The following SORCS1 variants were observed in gnomAD, a reference collection of about 807,000 sequenced individuals.
SORCS1 encodes the protein VPS10 domain-containing receptor SorCS1.
A neutral mutation model predicts 146.1 loss-of-function variants in SORCS1; 60 were observed. That is an observed-to-expected ratio of 0.41 (90% CI 0.33 to 0.51). The LOEUF is 0.51. Ranked by LOEUF, SORCS1 falls within the 20% of genes least tolerant of loss-of-function variation. The pLI is 0.21. For synonymous variants in SORCS1, 637 were observed against 584.0 expected, an observed-to-expected ratio of 1.09 and a Z score of -1.31; for missense variants, 1,352 against 1,487.6, an observed-to-expected ratio of 0.91 and a Z score of 1.50.
chr10:107,070,559 G>C (rs1049137384), intron 1 of SORCS1, among the ~76,000 whole-genome samples: 2 of 152,080 alleles, frequency 1.3e-5, no homozygotes, highest in African/African-American at 4.8e-5. Context: ...CTATGATTTG[G>C]TGGCTACAAA....
intron 6 of SORCS1, among the ~76,000 whole-genome samples, chr10:106,724,285 G>T (rs912995761): frequency 6.6e-6 from 1 of 152,096 alleles, no homozygotes; most frequent in Non-Finnish European, 1.5e-5. Context: ...GAGGCGGGCG[G>T]ATCTCAAGGT....
chr10:106,752,883 A>T (rs909592207), intron 5 of SORCS1, among the ~76,000 whole-genome samples: 5 of 152,284 alleles, frequency 3.3e-5, no homozygotes, highest in Admixed American at 2.0e-4. Flanking sequence ...ATGACCCAAG[A>T]GTATTCACAC....
chr10:107,070,538 T>C (rs1962327026), intron 1 of SORCS1, among the ~76,000 whole-genome samples: 1 of 152,222 alleles, frequency 6.6e-6, no homozygotes, highest in Non-Finnish European at 1.5e-5. Context: ...CATCTTTCCC[T>C]AGGCCTCCTA....
chr10:106,694,390 G>C (rs1853538614), intron 9 of SORCS1, among the ~76,000 whole-genome samples: 1 of 152,116 alleles, frequency 6.6e-6, no homozygotes, highest in Non-Finnish European at 1.5e-5. Context: ...CTCCCAAGTA[G>C]CTGGGACTTC....
rs76014257 is a variant in SORCS1 at position 107,060,679 on chromosome 10, C to T, written c.558+103290G>A. On this transcript the variant is annotated intron_variant, in intron 1 of 25. Coordinates refer to ENST00000263054, the MANE Select transcript of SORCS1 (RefSeq NM_052918.5). This position sits in a 1 kb window ranked among gnomAD's most constrained non-coding sequence, Gnocchi z 4.1. ...TTTGTGACCATGAGTCCCCGGCTCA[C>T]GGTTTTCTCCTCTCTTGACACTTGC... Among the ~76,000 whole-genome samples the T allele has an allele frequency of 6.6e-6, 1 of 152,138 alleles. No individual in the cohort carries two copies. Among genetic ancestry groups the T allele is most frequent in the African/African-American group, 2.4e-5 (1 of 41,434 alleles).
rs58654489 is a variant in SORCS1, at chr10:106,862,780, CAAAAAAAAAAAAAA to C, written c.627-33121_627-33108del. Among the ~76,000 whole-genome samples, 169 of 60,252 alleles carry C rather than the reference CAAAAAAAAAAAAAA, an allele frequency of 2.8e-3. 2 individuals are homozygous for C. Among genetic ancestry groups the C allele is most frequent in the Admixed American group, 9.1e-3 (39 of 4,308 alleles). The allele number at this position is 60,252 out of a possible 152,430, so 39.5% of individuals were successfully genotyped here. On this transcript the variant is annotated intron_variant, in intron 2 of 25. Coordinates refer to ENST00000263054, the MANE Select transcript of SORCS1 (RefSeq NM_052918.5). ...CTAACACGGTGAAACCCTGTCTCTA[CAAAAAAAAAAAAAA>C]AAAAAAAAAAAAAAGTTTCAGCATT...
At chr10:106,628,647 T>C (rs142780115) in intron 19 of SORCS1, among the ~76,000 whole-genome samples, 1 of 152,334 alleles carries the variant, frequency 6.6e-6, no homozygotes, top group East Asian at 1.9e-4. Context: ...TTAACACTGT[T>C]TTTATACTCT....
chr10:106,934,344 G>A (rs1050367934), intron 2 of SORCS1, among the ~76,000 whole-genome samples: 2 of 151,938 alleles, frequency 1.3e-5, no homozygotes, highest in Middle Eastern at 3.2e-3. Context: ...TGCGAGCTCG[G>A]TCTCCGGGGT....
At chr10:106,916,043 C>A (rs990169997) in intron 2 of SORCS1, among the ~76,000 whole-genome samples, 1 of 152,228 alleles carries the variant, frequency 6.6e-6, no homozygotes, top group African/African-American at 2.4e-5. Context: ...AATGTCTACA[C>A]ACCTCTTGCT....
intron 2 of SORCS1, among the ~76,000 whole-genome samples, chr10:106,912,666 CTTTT>C (rs897441806): frequency 3.3e-5 from 5 of 152,060 alleles, no homozygotes; most frequent in Non-Finnish European, 5.9e-5. Context: ...GCCTGCATTG[CTTTT>C]TTTGTTTGTT....
chr10:106,985,727 G>A (rs59432296), intron 1 of SORCS1, among the ~76,000 whole-genome samples: 7,399 of 151,886 alleles, frequency 0.049, 597 homozygotes, highest in African/African-American at 0.17. Flanking sequence ...AGTAGAGACG[G>A]GGTTTCACCA....
intron 1 of SORCS1, among the ~76,000 whole-genome samples, chr10:106,981,166 C>T (rs769661260): frequency 9.2e-5 from 14 of 152,112 alleles, no homozygotes; most frequent in Non-Finnish European, 1.2e-4. Context: ...TTAACACTTA[C>T]CCCTCCCTCC....
At chr10:106,609,947 G>A (rs866817085) in intron 22 of SORCS1, among the ~76,000 whole-genome samples, 2 of 152,138 alleles carry the variant, frequency 1.3e-5, no homozygotes, top group African/African-American at 2.4e-5. Flanking sequence ...GAGAAGAGAT[G>A]GACAGTGGGT....
At chr10:106,729,675 C>G (rs139669168) in intron 6 of SORCS1, among the ~76,000 whole-genome samples, 2 of 152,062 alleles carry the variant, frequency 1.3e-5, no homozygotes, top group Non-Finnish European at 2.9e-5. Flanking sequence ...TCACCACTAT[C>G]AAAATATGCA....
chr10:106,583,338 T>C (rs183200718), intron 24 of SORCS1, among the ~76,000 whole-genome samples: 1 of 152,322 alleles, frequency 6.6e-6, no homozygotes, highest in African/African-American at 2.4e-5. Context: ...TGCACATCAG[T>C]ATATTAAATG....
intron 2 of SORCS1, among the ~76,000 whole-genome samples, chr10:106,953,859 G>C (rs918388404): frequency 8.5e-5 from 13 of 152,304 alleles, no homozygotes; most frequent in African/African-American, 3.1e-4. Context: ...GCATTACGCA[G>C]TGCATGACAG....
upstream of SORCS1, among the ~76,000 whole-genome samples, chr10:107,165,991 G>A (rs963975825): frequency 3.3e-5 from 5 of 152,094 alleles, no homozygotes; most frequent in East Asian, 1.9e-4. The surrounding 1 kb of genome is among the most constrained non-coding windows in gnomAD (Gnocchi z 4.0). Flanking sequence ...CTTTGAAAAC[G>A]GCAAAGGATT....
At chr10:106,700,530 C>T (rs879550620) in intron 8 of SORCS1, among the ~76,000 whole-genome samples, 2 of 152,156 alleles carry the variant, frequency 1.3e-5, no homozygotes, top group Non-Finnish European at 2.9e-5. Context: ...TCACTTAGTG[C>T]TCTAATCTTT....
chr10:106,894,302 TGTGTG>T (rs1951375308), intron 2 of SORCS1, among the ~76,000 whole-genome samples: 1 of 146,176 alleles, frequency 6.8e-6, no homozygotes, highest in African/African-American at 2.7e-5. Flanking sequence ...TGTGTGTGTG[TGTGTG>T]TAGGGAGAAT....
Sources: gnomAD v4.1 joint callset for allele counts (sites outside exome capture counted in the v4.1 genomes callset) on GRCh38, gnomAD v4.1.1 for gene constraint, Gnocchi (gnomAD v3.1) non-coding constraint, MANE v1.5 for transcripts, NCBI Gene and HGNC (gene_info 2026-07-23, HGNC 2026-07-21) for gene names.